Variants in ZNF804B observed in about 807,000 individuals in gnomAD.
The protein encoded by ZNF804B is zinc finger 804B.
Under a neutral mutation model 101.4 loss-of-function variants are expected in ZNF804B, and 80 were observed. That is an observed-to-expected ratio of 0.79 (90% confidence interval 0.66 to 0.95). ZNF804B has a LOEUF of 0.95. Among genes scored for constraint, ZNF804B ranks in the 40% least tolerant of loss-of-function variants. ZNF804B has a pLI of 0.00. For missense variants in ZNF804B, 1,673 were observed against 1,561.9 expected (o/e 1.07, Z -1.20); for synonymous variants, 622 against 558.8 (o/e 1.11, Z -1.59).
At chr7:88,888,284 T>G (rs1472919971) in intron 1 of ZNF804B, among the ~76,000 whole-genome samples, 1 of 151,950 alleles carries the variant, frequency 6.6e-6, no homozygotes, top group Non-Finnish European at 1.5e-5. Context: ...CCTGGCTACT[T>G]GGGAGGTTGA....
intron 1 of ZNF804B, among the ~76,000 whole-genome samples, chr7:88,835,495 C>T (rs562769233): frequency 5.3e-5 from 8 of 151,860 alleles, no homozygotes; most frequent in African/African-American, 1.7e-4. Context: ...ACAAAGAACC[C>T]CACTGAAGAA....
Position 89,279,931 on chromosome 7 carries a change from C to G in ZNF804B, c.250-47413C>G, listed in dbSNP as rs918846981. Among the ~76,000 whole-genome samples the G allele has an allele frequency of 1.2e-3, 189 of 152,162 alleles. 1 individual carries two copies. The highest frequency in any genetic ancestry group is 4.2e-3 in the African/African-American group (175 of 41,512). On this transcript the variant is annotated intron_variant, in intron 2 of 3. Transcript: ENST00000333190. ...ACCTAATAGACATCTACAGAACTCTCCACCCCAAATCAACAGAATATACAT... is the reference window on the plus strand; with the variant it reads ...ACCTAATAGACATCTACAGAACTCTGCACCCCAAATCAACAGAATATACAT...
chr7:89,232,773 A>G (rs1187199067), intron 2 of ZNF804B, among the ~76,000 whole-genome samples: 1 of 152,136 alleles, frequency 6.6e-6, no homozygotes, highest in Non-Finnish European at 1.5e-5. Context: ...CAGTAAGTCT[A>G]GCTAAAGGTT....
intron 2 of ZNF804B, among the ~76,000 whole-genome samples, chr7:89,261,516 T>A (rs978199745): frequency 6.6e-6 from 1 of 152,176 alleles, no homozygotes; most frequent in Non-Finnish European, 1.5e-5. Flanking sequence ...GGGTCAATAG[T>A]ACACATACAG....
At chr7:89,204,192 A>G (rs1370913300) in intron 1 of ZNF804B, among the ~76,000 whole-genome samples, 1 of 152,228 alleles carries the variant, frequency 6.6e-6, no homozygotes, top group Non-Finnish European at 1.5e-5. Context: ...GAAATGTCAG[A>G]TGCTATTAAT....
At chr7:89,164,717 A>AGAAGAAC (rs1791115614) in intron 1 of ZNF804B, among the ~76,000 whole-genome samples, 1 of 152,150 alleles carries the variant, frequency 6.6e-6, no homozygotes, top group Non-Finnish European at 1.5e-5. Context: ...ACTTTCTAAA[A>AGAAGAAC]TTTCTTCTTT....
intron 1 of ZNF804B, among the ~76,000 whole-genome samples, chr7:88,944,272 T>A (rs1793095107): frequency 6.6e-6 from 1 of 151,912 alleles, no homozygotes; most frequent in Middle Eastern, 3.4e-3. Flanking sequence ...GAATTGCCAT[T>A]AAAAAATTAA....
chr7:89,032,070 A>C (rs1788845708), intron 1 of ZNF804B, among the ~76,000 whole-genome samples: 1 of 152,246 alleles, frequency 6.6e-6, no homozygotes, highest in Non-Finnish European at 1.5e-5. Flanking sequence ...ATGATATATC[A>C]GCTCAAGATC....
At chr7:89,052,130 CTTTATTT>C (rs1028410498) in intron 1 of ZNF804B, among the ~76,000 whole-genome samples, 20 of 151,792 alleles carry the variant, frequency 1.3e-4, no homozygotes, top group Admixed American at 5.9e-4. Flanking sequence ...CAGGTATTAA[CTTTATTT>C]TTTATTTTTT....
chr7:89,008,628 T>G (rs1788406499), intron 1 of ZNF804B, among the ~76,000 whole-genome samples: 1 of 152,068 alleles, frequency 6.6e-6, no homozygotes, highest in Admixed American at 6.6e-5. Flanking sequence ...CTCATTAGCT[T>G]CCAATATCTC....
At position 88,966,963 on chromosome 7, in the gene ZNF804B, CT is replaced by C. The variant is rs201888421; in HGVS notation, c.108+206893del. ...CACTTACAGGATCTAGAATTCTGGA[CT>C]TTTTTTTTTTTTTCAAGTGTAATAC... On this transcript the variant is annotated intron_variant, in intron 1 of 3. Transcript: ENST00000333190. 2.4e-3 allele frequency among the ~76,000 whole-genome samples: 334 copies of C among 141,780 alleles called. 1 individual carries two copies. Among genetic ancestry groups the C allele is most frequent in the East Asian group, 4.4e-3 (21 of 4,784 alleles). 93.0% of individuals were successfully genotyped at this position (141,780 alleles called of 152,430 possible).
intron 1 of ZNF804B, among the ~76,000 whole-genome samples, chr7:89,014,010 A>G (rs1788501698): frequency 6.6e-6 from 1 of 152,080 alleles, no homozygotes; most frequent in South Asian, 2.1e-4. Context: ...CTGCTGCAAT[A>G]AATATGGGGG....
At chr7:88,807,847 G>A (rs1790716346) in intron 1 of ZNF804B, among the ~76,000 whole-genome samples, 1 of 152,120 alleles carries the variant, frequency 6.6e-6, no homozygotes, top group Non-Finnish European at 1.5e-5. Flanking sequence ...CCTCAGGAAA[G>A]TATAAACAAG....
chr7:89,239,266 G>A (rs1388952266), intron 2 of ZNF804B, among the ~76,000 whole-genome samples: 2 of 152,048 alleles, frequency 1.3e-5, no homozygotes, highest in Admixed American at 6.6e-5. Context: ...TCAGCAGAGG[G>A]CACACACATA....
chr7:89,206,694 G>C (rs937163838), intron 1 of ZNF804B, among the ~76,000 whole-genome samples: 1 of 152,180 alleles, frequency 6.6e-6, no homozygotes, highest in African/African-American at 2.4e-5. Context: ...GGAAGTTGCA[G>C]TGAGCTGAGA....
intron 1 of ZNF804B, among the ~76,000 whole-genome samples, chr7:88,942,614 A>T (rs1440985253): frequency 6.6e-6 from 1 of 151,364 alleles, no homozygotes; most frequent in Non-Finnish European, 1.5e-5. Context: ...GGCATATTCT[A>T]GGTGCTTGAT....
chr7:89,222,231 A>T (rs906224964), intron 2 of ZNF804B, among the ~76,000 whole-genome samples: 1 of 151,986 alleles, frequency 6.6e-6, no homozygotes, highest in South Asian at 2.1e-4. Flanking sequence ...CTTGGGGATC[A>T]CTTTAGAAAT....
chr7:88,958,655 G>A (rs1440595871), intron 1 of ZNF804B, among the ~76,000 whole-genome samples: 1 of 151,444 alleles, frequency 6.6e-6, no homozygotes, highest in Non-Finnish European at 1.5e-5. Flanking sequence ...ATCGAAGGAG[G>A]TGTCACACAG....
intron 1 of ZNF804B, among the ~76,000 whole-genome samples, chr7:88,846,017 C>A (rs17164711): frequency 0.17 from 26,113 of 152,154 alleles, 2,311 homozygotes; most frequent in African/African-American, 0.23. Flanking sequence ...AAATCTCTGA[C>A]TTTGGAATAT....
Sources: gnomAD v4.1 joint callset for allele counts (sites outside exome capture counted in the v4.1 genomes callset) on GRCh38, gnomAD v4.1.1 for gene constraint, MANE v1.5 for transcripts, NCBI Gene and HGNC (gene_info 2026-07-23, HGNC 2026-07-21) for gene names.